Variants in PRKG1 observed in about 807,000 individuals in gnomAD.
PRKG1 encodes the protein protein kinase cGMP-dependent 1.
A neutral mutation model predicts 88.1 loss-of-function variants in PRKG1; 35 were observed. That is an observed-to-expected ratio of 0.40 (90% confidence interval 0.30 to 0.53). The LOEUF (loss-of-function observed/expected upper bound fraction) is 0.53, where lower values mean the gene tolerates loss of function less well. Among genes scored for constraint, PRKG1 ranks in the 20% least tolerant of loss-of-function variants. The probability of loss-of-function intolerance (pLI) is 0.59; values close to 1 mark genes in which losing one functional copy is unlikely to be tolerated. For missense variants in PRKG1, 540 were observed against 839.8 expected (o/e 0.64, Z 4.41); for synonymous variants, 303 against 292.5 (o/e 1.04, Z -0.37).
At chr10:51,724,509 A>G (rs1423038963) in intron 3 of PRKG1, among the ~76,000 whole-genome samples, 2 of 152,184 alleles carry the variant, frequency 1.3e-5, no homozygotes, top group Non-Finnish European at 2.9e-5. Context: ...TTGGATCTGA[A>G]AATTCTAGAA....
chr10:51,709,549 A>G (rs1179344899), intron 3 of PRKG1, among the ~76,000 whole-genome samples: 3 of 152,216 alleles, frequency 2.0e-5, no homozygotes, highest in African/African-American at 4.8e-5. Flanking sequence ...CAAATGACCT[A>G]TTCCTCTAGA....
intron 2 of PRKG1, among the ~76,000 whole-genome samples, chr10:51,249,661 A>G (rs749588019): frequency 2.8e-4 from 42 of 152,002 alleles, no homozygotes; most frequent in Middle Eastern, 6.8e-3. Context: ...ATTTATTAAA[A>G]TAATCGCAAG....
At chr10:51,332,162 T>C (rs1345177003) in intron 2 of PRKG1, among the ~76,000 whole-genome samples, 2 of 152,224 alleles carry the variant, frequency 1.3e-5, no homozygotes, top group African/African-American at 2.4e-5. Flanking sequence ...TTTGAAATGA[T>C]TTTTCTCTTC....
chr10:51,265,018 T>C (rs999788176), intron 2 of PRKG1, among the ~76,000 whole-genome samples: 2 of 152,104 alleles, frequency 1.3e-5, no homozygotes, highest in African/African-American at 4.8e-5. Flanking sequence ...GCTTGTGAAT[T>C]TTTTTAAACA....
At chr10:52,115,585 C>A (rs180761753) in intron 7 of PRKG1, among the ~76,000 whole-genome samples, 9 of 152,228 alleles carry the variant, frequency 5.9e-5, no homozygotes, top group African/African-American at 2.2e-4. Flanking sequence ...TTTCACTGAT[C>A]CACTATCAAC....
chr10:52,142,362 A>G (rs1305510108), intron 8 of PRKG1, among the ~76,000 whole-genome samples: 1 of 152,160 alleles, frequency 6.6e-6, no homozygotes, highest in African/African-American at 2.4e-5. Context: ...GCTCAGTGCT[A>G]TGATATATAG....
rs554662747 is a variant in PRKG1 at position 51,294,478 on chromosome 10, TC to T, written c.478+141152del. ...ATAATTTATTTAGGAGACCATCCTT[TC>T]CCCAGTGTGTGTTCTTGGAACACTG... On this transcript the variant is annotated intron_variant, in intron 2 of 17. Coordinates refer to ENST00000373980, the MANE Select transcript of PRKG1 (RefSeq NM_006258.4). Among the ~76,000 whole-genome samples, 215 of 142,450 alleles carry T rather than the reference TC, an allele frequency of 1.5e-3. 7 individuals are homozygous for T. In the South Asian group the frequency reaches 0.046, roughly 31 times the overall value. 93.5% of individuals were successfully genotyped at this position (142,450 alleles called of 152,430 possible).
chr10:51,980,256 C>T (rs868244977), intron 5 of PRKG1, among the ~76,000 whole-genome samples: 1 of 152,110 alleles, frequency 6.6e-6, no homozygotes, highest in Non-Finnish European at 1.5e-5. Flanking sequence ...CATTCAGAAG[C>T]AGGTTATTCA....
chr10:51,274,665 G>C (rs1019748071), intron 2 of PRKG1, among the ~76,000 whole-genome samples: 2 of 152,186 alleles, frequency 1.3e-5, no homozygotes, highest in Non-Finnish European at 2.9e-5. Flanking sequence ...ACAGAGCAGG[G>C]CTGCTCTTCT....
intron 2 of PRKG1, among the ~76,000 whole-genome samples, chr10:51,387,534 G>A (rs1244108101): frequency 6.6e-6 from 1 of 151,966 alleles, no homozygotes; most frequent in African/African-American, 2.4e-5. Context: ...GTTACTACCT[G>A]TTTATTGCCA....
chr10:51,521,529 AC>A (rs1841736463), intron 3 of PRKG1, among the ~76,000 whole-genome samples: 1 of 152,194 alleles, frequency 6.6e-6, no homozygotes, highest in African/African-American at 2.4e-5. Flanking sequence ...AGGATTAAGC[AC>A]TGAGTCTACT....
intron 2 of PRKG1, among the ~76,000 whole-genome samples, chr10:51,228,796 A>T (rs1340526975): frequency 6.6e-6 from 1 of 152,214 alleles, no homozygotes; most frequent in East Asian, 1.9e-4. Context: ...TTAACCTTTC[A>T]ATGCCTCCCA....
At chr10:52,017,044 CTGAGGAA>C (rs1165071287) in intron 5 of PRKG1, among the ~76,000 whole-genome samples, 2 of 151,940 alleles carry the variant, frequency 1.3e-5, no homozygotes, top group African/African-American at 4.8e-5. Flanking sequence ...TGTGGTTTGT[CTGAGGAA>C]CAAAAAGAAG....
intron 3 of PRKG1, among the ~76,000 whole-genome samples, chr10:51,575,011 T>A (rs1330429053): frequency 6.6e-6 from 1 of 151,966 alleles, no homozygotes; most frequent in Non-Finnish European, 1.5e-5. Context: ...GTCACTTACA[T>A]GGAATTGGTT....
chr10:52,190,607 C>G (rs76527691), intron 9 of PRKG1, among the ~76,000 whole-genome samples: 2 of 152,240 alleles, frequency 1.3e-5, no homozygotes, highest in East Asian at 3.9e-4. Context: ...AGGTTTAAGT[C>G]TATGTCACAC....
At chr10:51,216,941 A>G (rs1345718665) in intron 2 of PRKG1, among the ~76,000 whole-genome samples, 1 of 152,166 alleles carries the variant, frequency 6.6e-6, no homozygotes, top group Non-Finnish European at 1.5e-5. Flanking sequence ...TGAGAATAAA[A>G]TCATTGTCAT....
intron 3 of PRKG1, chr10:51,698,910 C>T (rs1564612275): frequency 6.2e-7 from 1 of 1,614,126 alleles, no homozygotes. Flanking sequence ...GGGCCAGGGC[C>T]AGGGCCAGAG....
intron 1 of PRKG1, among the ~76,000 whole-genome samples, chr10:51,016,734 T>C (rs1056489363): frequency 1.5e-5 from 2 of 134,474 alleles, no homozygotes; most frequent in Non-Finnish European, 3.1e-5. Flanking sequence ...AGTGGCGCGA[T>C]CTCGGCTCAC....
intron 2 of PRKG1, among the ~76,000 whole-genome samples, chr10:51,251,772 G>T (rs914983990): frequency 6.6e-6 from 1 of 151,712 alleles, no homozygotes; most frequent in Non-Finnish European, 1.5e-5. Flanking sequence ...TGGAATAAAA[G>T]ACATAACTCT....
Sources: allele counts gnomAD v4.1 joint callset (sites outside exome capture counted in the v4.1 genomes callset), GRCh38; gene constraint gnomAD v4.1.1; transcripts MANE v1.5; gene names NCBI Gene and HGNC (gene_info 2026-07-23, HGNC 2026-07-21).